The following ARHGAP24 variants were observed in gnomAD, a reference collection of about 807,000 sequenced individuals.
ARHGAP24 encodes the protein rho GTPase-activating protein 24.
ARHGAP24 carries 50 observed loss-of-function variants against 76.4 expected under a neutral mutation model. The ratio of observed to expected loss-of-function variants is 0.65; its 90% CI spans 0.52 to 0.83. ARHGAP24 has a LOEUF of 0.83. Among genes scored for constraint, ARHGAP24 ranks in the 40% least tolerant of loss-of-function variants. The pLI, the probability that ARHGAP24 is intolerant of heterozygous loss-of-function variation, is 0.00. For synonymous variants in ARHGAP24, 345 were observed against 323.3 expected (o/e 1.07, Z -0.72); for missense variants, 930 against 914.2 (o/e 1.02, Z -0.22).
At chr4:85,742,106 C>A (rs343847) in intron 3 of ARHGAP24, among the ~76,000 whole-genome samples, 39,981 of 152,100 alleles carry the variant, frequency 0.26, 7,016 homozygotes, top group Non-Finnish European at 0.39. Context: ...TGCCATGTGA[C>A]TTGTAGAAGG....
intron 3 of ARHGAP24, among the ~76,000 whole-genome samples, chr4:85,750,497 T>C (rs1166957770): frequency 7.5e-6 from 1 of 133,622 alleles, no homozygotes; most frequent in East Asian, 2.2e-4. Flanking sequence ...TTTTTTTTTT[T>C]TTTTTTTTTT....
chr4:85,554,934 C>A (rs544858441), intron 1 of ARHGAP24, among the ~76,000 whole-genome samples: 1 of 152,016 alleles, frequency 6.6e-6, no homozygotes, highest in Non-Finnish European at 1.5e-5. Context: ...CCCACCTCAG[C>A]CTCCCAAAGT....
intron 2 of ARHGAP24, among the ~76,000 whole-genome samples, chr4:85,604,812 T>C (rs1293572542): frequency 5.3e-5 from 8 of 151,386 alleles, no homozygotes; most frequent in Admixed American, 2.0e-4. Context: ...GGTCTTGAAC[T>C]CCTGATCTGC....
At chr4:85,886,415 A>G (rs1452819520) in intron 3 of ARHGAP24, among the ~76,000 whole-genome samples, 1 of 152,134 alleles carries the variant, frequency 6.6e-6, no homozygotes, top group East Asian at 1.9e-4. Context: ...TGTCATGTAA[A>G]GGTGAGCACT....
intron 2 of ARHGAP24, among the ~76,000 whole-genome samples, chr4:85,644,213 G>A (rs59039102): frequency 0.03 from 4,591 of 152,214 alleles, 230 homozygotes; most frequent in African/African-American, 0.1. Flanking sequence ...GAAGAAATGA[G>A]CAAAGAGCTT....
At chr4:85,487,866 A>G (rs910763774) in intron 1 of ARHGAP24, among the ~76,000 whole-genome samples, 3 of 124,180 alleles carry the variant, frequency 2.4e-5, no homozygotes, top group African/African-American at 9.4e-5. Context: ...TATATATATT[A>G]TATAAATATA....
intron 3 of ARHGAP24, among the ~76,000 whole-genome samples, chr4:85,789,220 TAAAA>T (rs35635619): frequency 7.0e-5 from 9 of 128,346 alleles, no homozygotes; most frequent in East Asian, 6.5e-4. Context: ...GAACCTCCAT[TAAAA>T]AAAAAAAAAA....
intron 5 of ARHGAP24, among the ~76,000 whole-genome samples, chr4:85,948,613 T>C (rs2148830196): frequency 6.6e-6 from 1 of 152,340 alleles, no homozygotes; most frequent in Non-Finnish European, 1.5e-5. Context: ...TGTCCAAAGT[T>C]TATGAAATGT....
At chr4:85,930,709 G>A in intron 4 of ARHGAP24, 1 of 1,247,860 alleles carries the variant, frequency 8.0e-7, no homozygotes, top group Non-Finnish European at 1.0e-6. Context: ...AAACTCCCTG[G>A]ATTAGGCAAG....
chr4:85,572,931 C>T (rs1420649088), intron 2 of ARHGAP24, among the ~76,000 whole-genome samples: 8 of 133,722 alleles, frequency 6.0e-5, no homozygotes, highest in East Asian at 4.3e-4. Context: ...GGCTGGAGTG[C>T]GGTGGTGCGA....
At chr4:85,876,982 T>C (rs1437792766) in intron 3 of ARHGAP24, among the ~76,000 whole-genome samples, 1 of 152,244 alleles carries the variant, frequency 6.6e-6, no homozygotes, top group East Asian at 1.9e-4. Context: ...TTTTTGATAT[T>C]GACATACTTT....
chr4:85,537,415 G>C (rs1452467306), intron 1 of ARHGAP24, among the ~76,000 whole-genome samples: 1 of 151,964 alleles, frequency 6.6e-6, no homozygotes, highest in Non-Finnish European at 1.5e-5. Flanking sequence ...TCTATATTTT[G>C]AGCAGTAGAA....
chr4:85,821,995 A>G (rs2110124702), intron 3 of ARHGAP24, among the ~76,000 whole-genome samples: 1 of 152,312 alleles, frequency 6.6e-6, no homozygotes, highest in Admixed American at 6.5e-5. Context: ...TATATTTTTG[A>G]GCTCTAGCTC....
At chr4:85,714,822 A>G (rs912241492) in intron 2 of ARHGAP24, among the ~76,000 whole-genome samples, 3 of 152,094 alleles carry the variant, frequency 2.0e-5, no homozygotes, top group Non-Finnish European at 2.9e-5. Context: ...TAATTTCAGA[A>G]GCTAAGAAGA....
intron 1 of ARHGAP24, among the ~76,000 whole-genome samples, chr4:85,541,655 C>T (rs1725709107): frequency 6.6e-6 from 1 of 152,066 alleles, no homozygotes; most frequent in African/African-American, 2.4e-5. Context: ...ATAGTTTATT[C>T]ATTCAATTCT....
chr4:85,600,827 G>A (rs1720004761), intron 2 of ARHGAP24, among the ~76,000 whole-genome samples: 2 of 152,236 alleles, frequency 1.3e-5, no homozygotes, highest in East Asian at 1.9e-4. Context: ...AATTCACAGG[G>A]CAATGTATTC....
intron 3 of ARHGAP24, among the ~76,000 whole-genome samples, chr4:85,755,631 G>T (rs12500721): frequency 0.82 from 94,083 of 114,202 alleles, 40,061 homozygotes; most frequent in East Asian, 0.99. Flanking sequence ...CTTTTGTTTT[G>T]TTTTGTTTTG....
chr4:85,700,693 C>G (rs1284538038), intron 2 of ARHGAP24, among the ~76,000 whole-genome samples: 2 of 152,056 alleles, frequency 1.3e-5, no homozygotes, highest in African/African-American at 2.4e-5. Context: ...ATATGAATAA[C>G]AAATCAAGGT....
At chr4:85,662,783 C>A (rs909925883) in intron 2 of ARHGAP24, among the ~76,000 whole-genome samples, 1 of 152,138 alleles carries the variant, frequency 6.6e-6, no homozygotes, top group African/African-American at 2.4e-5. Context: ...GAATCCTCTC[C>A]CCATTGCTTG....
Sources: gnomAD v4.1 joint callset for allele counts (sites outside exome capture counted in the v4.1 genomes callset) on GRCh38, gnomAD v4.1.1 for gene constraint, MANE v1.5 for transcripts, NCBI Gene and HGNC (gene_info 2026-07-23, HGNC 2026-07-21) for gene names.